The following MS4A4E variants were observed in gnomAD, a reference collection of about 807,000 sequenced individuals.
MS4A4E encodes the protein membrane spanning 4-domains A4E, also known as putative membrane-spanning 4-domains subfamily A member 4E.
Under a neutral mutation model 13.3 loss-of-function variants are expected in MS4A4E, and 23 were observed. The ratio of observed to expected loss-of-function variants is 1.73; its 90% confidence interval spans 1.25 to 2.45. The LOEUF is 2.45. Ranked by LOEUF, MS4A4E falls within the 30% of genes most tolerant of loss-of-function variation. The probability of loss-of-function intolerance (pLI) is 0.00; values close to 1 mark genes in which losing one functional copy is unlikely to be tolerated. For synonymous variants in MS4A4E, 36 were observed against 45.6 expected (o/e 0.79, Z 0.85); for missense variants, 144 against 131.2 (o/e 1.10, Z -0.48).
chr11:60,236,740 T>A (rs1019307502), intron 1 of MS4A4E, among the ~76,000 whole-genome samples: 7 of 152,004 alleles, frequency 4.6e-5, no homozygotes, highest in African/African-American at 7.2e-5. Context: ...CAGGTTTTTT[T>A]TTTTTTTAAA....
At chr11:60,236,526 T>G (rs2084484792) in intron 1 of MS4A4E, among the ~76,000 whole-genome samples, 1 of 152,148 alleles carries the variant, frequency 6.6e-6, no homozygotes. Flanking sequence ...TTTGATAAAT[T>G]TTGTTCTATT....
Position 60,204,941 on chromosome 11 carries a change from T to C in MS4A4E, c.608A>G (p.Tyr203Cys), listed in dbSNP as rs1301556363. 6.6e-6 allele frequency among the ~76,000 whole-genome samples: 1 copy of C among 152,168 alleles called. No individual in the cohort carries two copies. The highest frequency in any genetic ancestry group is 1.5e-5 in the Non-Finnish European group (1 of 68,030). Residue 203 changes from tyrosine to cysteine, a missense_variant, in exon 8 of 9, where the codon TAT becomes TGT. Tyr to Cys is a radical substitution (Grantham distance 194, BLOSUM62 -2). This residue lies in a region of MS4A4E where 21 missense variants were observed against 25.1 expected (regional missense o/e 0.84). Transcript: ENST00000651255. ...STVWCSGDGQ[Y>C]LEKVYYDILS... is the part of the protein sequence containing the mutation. ...AATGTCATAATAGACTTTTTCCAGA[T>C]ACTGTCCATCTCCGGAGCTGGAGAA...
intron 4 of MS4A4E, chr11:60,213,401 G>T (rs2134929212): frequency 8.9e-7 from 1 of 1,125,780 alleles, no homozygotes; most frequent in African/African-American, 1.5e-5. Flanking sequence ...ACATTAGCTG[G>T]ACAGTCATGT....
rs1052722011 is a variant in MS4A4E at position 60,200,800 on chromosome 11, A to G, written c.*743T>C. On this transcript the variant is annotated 3_prime_UTR_variant, in exon 9 of 9. Transcript: ENST00000651255. ...CCTCATGGCCCGTTCTCAATGAGCT[A>G]TTGGGTACACTTCCCAGATGGGGTG... Among the ~76,000 whole-genome samples, 30 of 152,230 alleles carry G rather than the reference A, an allele frequency of 2.0e-4. No individual in the cohort carries two copies. In the East Asian group the frequency reaches 3.1e-3, roughly 16 times the overall value.
intron 5 of MS4A4E, among the ~76,000 whole-genome samples, chr11:60,211,579 A>G (rs767560877): frequency 6.6e-6 from 1 of 152,158 alleles, no homozygotes; most frequent in Non-Finnish European, 1.5e-5. Context: ...AAAGTAACTG[A>G]AAGTTTGGTG....
rs554422770 is a variant in MS4A4E, at chr11:60,201,836, G to T, written c.703C>A (p.Arg235Ser). ...LNGAQAGVQW[R>S]DLGSLQPPPP... ...GGAGGTTGTAGGGAGCCGAGATCAC[G>T]CCACTGCACTCCAGCCTGGGCACCA... Residue 235 changes from arginine to serine, a missense_variant, in exon 9 of 9, where the codon CGT becomes AGT. Arg to Ser is a moderately radical substitution (Grantham distance 110, BLOSUM62 -1). Coordinates refer to ENST00000651255, the MANE Select transcript of MS4A4E (RefSeq NM_001393391.1). 19 of 219,378 alleles carry T rather than the reference G, an allele frequency of 8.7e-5. No individual in the cohort carries two copies. The highest frequency in any genetic ancestry group is 3.7e-5 in the Non-Finnish European group (4 of 107,140). 13.6% of individuals were successfully genotyped at this position (219,378 alleles called of 1,614,324 possible). A position where few individuals can be genotyped will look rare whatever the true frequency, so the allele number is the denominator to read the frequency against.
chr11:60,236,463 CT>C (rs1294692915), intron 1 of MS4A4E, among the ~76,000 whole-genome samples: 2 of 151,600 alleles, frequency 1.3e-5, no homozygotes, highest in African/African-American at 2.4e-5. Context: ...TTTAAATTTT[CT>C]TTAATTTCTT....
At chr11:60,237,863 C>T (rs371231461) in intron 1 of MS4A4E, among the ~76,000 whole-genome samples, 68 of 152,020 alleles carry the variant, frequency 4.5e-4, no homozygotes, top group Middle Eastern at 3.4e-3. Context: ...CCATTCTATT[C>T]GTCATTGGAT....
chr11:60,233,557 C>T (rs1455431836), intron 1 of MS4A4E, among the ~76,000 whole-genome samples: 1 of 152,230 alleles, frequency 6.6e-6, no homozygotes, highest in Non-Finnish European at 1.5e-5. Context: ...AGCCTAGGAC[C>T]TCAGCTCGCA....
At chr11:60,240,258 T>C (rs1257285741) in intron 1 of MS4A4E, among the ~76,000 whole-genome samples, 5 of 152,242 alleles carry the variant, frequency 3.3e-5, no homozygotes, top group East Asian at 1.9e-4. Flanking sequence ...TAGTTTGTCA[T>C]TGATACCTTC....
At chr11:60,208,453 A>G (rs1162592450) in intron 6 of MS4A4E, 140 bp downstream of exon 6, 2 of 290,572 alleles carry the variant, frequency 6.9e-6, no homozygotes, top group East Asian at 5.4e-5. Flanking sequence ...AAGGACCCAC[A>G]TCCACTGGGC....
chr11:60,223,714 G>A (rs2084303682), intron 3 of MS4A4E, among the ~76,000 whole-genome samples: 1 of 152,108 alleles, frequency 6.6e-6, no homozygotes, highest in Admixed American at 6.5e-5. Context: ...CACTAGACTG[G>A]TTTAGTCTCT....
At chr11:60,220,313 CATTGCTTG>C (rs1242505699) in intron 3 of MS4A4E, among the ~76,000 whole-genome samples, 1 of 152,198 alleles carries the variant, frequency 6.6e-6, no homozygotes, top group East Asian at 1.9e-4. Context: ...GATGTGGTTT[CATTGCTTG>C]AGCAAATTAA....
At chr11:60,231,304 A>C (rs2134964178) in intron 1 of MS4A4E, among the ~76,000 whole-genome samples, 1 of 151,986 alleles carries the variant, frequency 6.6e-6, no homozygotes, top group African/African-American at 2.4e-5. Context: ...TATTTTTAAA[A>C]GAAAGATAAA....
chr11:60,222,181 C>T (rs999064543), intron 3 of MS4A4E, among the ~76,000 whole-genome samples: 13 of 152,190 alleles, frequency 8.5e-5, no homozygotes, highest in African/African-American at 2.7e-4. Flanking sequence ...AGCGGTTTTT[C>T]CTCACCAGAA....
At chr11:60,215,900 T>G (rs1242727856) in intron 3 of MS4A4E, among the ~76,000 whole-genome samples, 2 of 152,200 alleles carry the variant, frequency 1.3e-5, no homozygotes, top group Non-Finnish European at 2.9e-5. Flanking sequence ...TGTGTATGTA[T>G]GTTTGTGTAT....
At chr11:60,206,955 A>G (rs2084055648) in intron 6 of MS4A4E, among the ~76,000 whole-genome samples, 1 of 152,146 alleles carries the variant, frequency 6.6e-6, no homozygotes, top group Non-Finnish European at 1.5e-5. Context: ...GCTGATGACC[A>G]CTGCCCTGGT....
chr11:60,229,772 G>T (rs2084384753), intron 2 of MS4A4E, 140 bp downstream of exon 2: 2 of 733,972 alleles, frequency 2.7e-6, no homozygotes. Flanking sequence ...TTCAAAGAAA[G>T]GGCCTGAAAT....
intron 1 of MS4A4E, among the ~76,000 whole-genome samples, chr11:60,239,700 T>C (rs918036157): frequency 6.6e-6 from 1 of 152,228 alleles, no homozygotes; most frequent in African/African-American, 2.4e-5. Context: ...CCTCTTGTAA[T>C]CTCTGTTCTA....
Sources: gnomAD v4.1 joint callset for allele counts (sites outside exome capture counted in the v4.1 genomes callset) on GRCh38, gnomAD v4.1.1 for gene constraint, gnomAD v4.1.1 regional missense constraint, MANE v1.5 for transcripts, NCBI Gene and HGNC (gene_info 2026-07-23, HGNC 2026-07-21) for gene names.